NPRL2: variants seen among roughly 807,000 people sequenced by gnomAD.
NPRL2 encodes NPR2 like, GATOR1 complex subunit.
A neutral mutation model predicts 51.1 loss-of-function variants in NPRL2; 21 were observed. The ratio of observed to expected loss-of-function variants is 0.41; its 90% CI spans 0.29 to 0.59. NPRL2 has a LOEUF of 0.59. Among genes scored for constraint, NPRL2 ranks in the 20% least tolerant of loss-of-function variants. NPRL2 has a pLI of 0.29. For synonymous variants in NPRL2, 175 were observed against 187.8 expected (o/e 0.93, Z 0.56); for missense variants, 376 against 483.4 (o/e 0.78, Z 2.08).
chr3:50,350,120 C>G lies in NPRL2; in HGVS notation c.79-98G>C. On this transcript the variant is annotated intron_variant, in intron 1 of 10. Transcript: ENST00000232501. This position sits in a 1 kb window ranked among gnomAD's most constrained non-coding sequence, Gnocchi z 5.7. ...ATGCCCCCCAAGCCCAAGTCCTCTT[C>G]TCCAGCGTTCCCCTCTCTCCCATCC... 3.2e-6 allele frequency: 3 copies of G among 936,790 alleles called. No individual in the cohort carries two copies. Among genetic ancestry groups the G allele is most frequent in the South Asian group, 2.9e-5 (2 of 70,104 alleles). The allele number at this position is 936,790 out of a possible 1,614,324, so 58.0% of individuals were successfully genotyped here. A position where few individuals can be genotyped will look rare whatever the true frequency, so the allele number is the denominator to read the frequency against.
In NPRL2 at chr3:50,348,429, C is replaced by T. The variant is rs750108926; in HGVS notation, c.721-19G>A. 4.3e-6 allele frequency: 7 copies of T among 1,613,438 alleles called. No homozygotes were observed. The highest frequency in any genetic ancestry group is 8.5e-7 in the Non-Finnish European group (1 of 1,179,670). On this transcript the variant is annotated intron_variant, in intron 7 of 10. Coordinates refer to ENST00000232501, the MANE Select transcript of NPRL2 (RefSeq NM_006545.5). The surrounding 1 kb of genome is among the most constrained non-coding windows in gnomAD (Gnocchi z 5.8). ...TGGAGTACTAGAGGGTAGCAGAAGG[C>T]ATAGGGGCCTGAGTGAGGGGCTTGG...
In NPRL2 at chr3:50,348,949, C is replaced by G; in HGVS notation, c.510G>C (p.Gln170His). The change falls in exon 5 of 11, where the codon CAG becomes CAC. Residue 170 changes from glutamine to histidine, a missense_variant. Physicochemically the swap from Gln to His is conservative, Grantham distance 24. Transcript: ENST00000232501. The surrounding 1 kb of genome is among the most constrained non-coding windows in gnomAD (Gnocchi z 5.8). ...IEQRPDPPVA[Q>H]EYDVPVFTKD... ...TGGTAAAGACAGGTACATCATACTC[C>G]TGGGCCACCGGAGGGTCTGGCCGCT... The G allele has an allele frequency of 6.2e-7, 1 of 1,614,046 alleles. No homozygotes were observed. Among genetic ancestry groups the G allele is most frequent in the Non-Finnish European group, 8.5e-7 (1 of 1,180,018 alleles).
In NPRL2 at chr3:50,349,414, A is replaced by T; in HGVS notation, c.420T>A (p.Asn140Lys). 6.2e-7 allele frequency: 1 copy of T among 1,613,692 alleles called. No individual in the cohort carries two copies. Among genetic ancestry groups the T allele is most frequent in the Non-Finnish European group, 8.5e-7 (1 of 1,179,990 alleles). ...TGGGCAGAGTGCACCGGCCTGAGGC[A>T]TTTAGCTCCTCCAGCAAGATGGTCA... is the stretch of plus-strand genomic sequence containing the variant. The part of the protein sequence containing the change: ...PIMTILLEEL[N>K]ASGRCTLPID... The change falls in exon 4 of 11, where the codon AAT becomes AAA. Residue 140 changes from asparagine to lysine, a missense_variant. Coordinates refer to ENST00000232501, the MANE Select transcript of NPRL2 (RefSeq NM_006545.5). This position sits in a 1 kb window ranked among gnomAD's most constrained non-coding sequence, Gnocchi z 4.6.
At position 50,350,663 on chromosome 3, in the gene NPRL2, G is replaced by T; in HGVS notation, c.-11C>A. ...GCAGCCGCTGCCCATGGCAATAACC[G>T]GGCCCAGGCCCGTAGCTCCTCGTTC... is the stretch of plus-strand genomic sequence containing the variant. On this transcript the variant is annotated 5_prime_UTR_variant, in exon 1 of 11. Coordinates refer to ENST00000232501, the MANE Select transcript of NPRL2 (RefSeq NM_006545.5). The surrounding 1 kb of genome is among the most constrained non-coding windows in gnomAD (Gnocchi z 5.7). 1.3e-6 allele frequency: 2 copies of T among 1,599,540 alleles called. No homozygotes were observed. Among genetic ancestry groups the T allele is most frequent in the Non-Finnish European group, 1.7e-6 (2 of 1,173,358 alleles).
rs765232395 is a variant in NPRL2, at chr3:50,347,807, G to A, written c.1027C>T (p.Arg343Trp). The A allele has an allele frequency of 6.8e-6, 11 of 1,613,814 alleles. No homozygotes were observed. The highest frequency in any genetic ancestry group is 3.3e-5 in the South Asian group (3 of 91,084). ...VTREEQSHPARLYTGCHSYDE... is the reference protein window; with the variant it reads ...VTREEQSHPAWLYTGCHSYDE... ...TAGCTGTGGCAGCCTGTATAAAGCC[G>A]GGCAGGGTGGCTCTGCTCTTCCCGA... The change falls in exon 10 of 11, where the codon CGG (arginine) becomes TGG (tryptophan). Residue 343 changes from arginine (R) to tryptophan (W), a missense_variant. Arg to Trp is a moderately radical substitution (Grantham distance 101). Transcript: ENST00000232501.
chr3:50,350,702 G>A lies in NPRL2; in HGVS notation c.-50C>T. 2 of 1,561,590 alleles carry A rather than the reference G, an allele frequency of 1.3e-6. No homozygotes were observed. The highest frequency in any genetic ancestry group is 1.7e-6 in the Non-Finnish European group (2 of 1,154,074). On this transcript the variant is annotated 5_prime_UTR_variant, in exon 1 of 11. In the 5' UTR this introduces an upstream ATG that the reference lacks. Transcript: ENST00000232501. This position sits in a 1 kb window ranked among gnomAD's most constrained non-coding sequence, Gnocchi z 5.7. ...AGCTCCTCGTTCCTCGCGCAGAGGC[G>A]TCCCCACCTCCTGTGAACACTTGTC... is the stretch of plus-strand genomic sequence containing the variant.
rs1449295413 is a variant in NPRL2, at chr3:50,348,421, G to C, written c.721-11C>G. The C allele has an allele frequency of 1.2e-6, 2 of 1,613,604 alleles. No homozygotes were observed. The highest frequency in any genetic ancestry group is 1.7e-6 in the Non-Finnish European group (2 of 1,179,840). Reference sequence around the variant, plus strand: ...GTATACATTGGAGTACTAGAGGGTAGCAGAAGGCATAGGGGCCTGAGTGAG... The same window carrying C: ...GTATACATTGGAGTACTAGAGGGTACCAGAAGGCATAGGGGCCTGAGTGAG... On this transcript the variant is annotated splice_polypyrimidine_tract_variant and intron_variant, in intron 7 of 10. Coordinates refer to ENST00000232501, the MANE Select transcript of NPRL2 (RefSeq NM_006545.5). This position sits in a 1 kb window ranked among gnomAD's most constrained non-coding sequence, Gnocchi z 5.8.
In NPRL2 at chr3:50,348,599, A is replaced by G. The variant is rs1208306798; in HGVS notation, c.684-36T>C. 3 of 1,614,056 alleles carry G rather than the reference A, an allele frequency of 1.9e-6. No individual in the cohort carries two copies. Among genetic ancestry groups the G allele is most frequent in the Non-Finnish European group, 1.7e-6 (2 of 1,180,016 alleles). On this transcript the variant is annotated intron_variant, in intron 6 of 10. Transcript: ENST00000232501. This position sits in a 1 kb window ranked among gnomAD's most constrained non-coding sequence, Gnocchi z 5.8. ...GAGCTGTGCTCAGCTTCTGAGGACC[A>G]TGCCTTCCCAACCCTCACACCCAGG...
chr3:50,349,791 GATGCA>G lies in NPRL2; in HGVS notation c.208_212del (p.Cys70ArgfsTer19). On this transcript the variant is annotated frameshift_variant, in exon 3 of 11. Coordinates refer to ENST00000232501, the MANE Select transcript of NPRL2 (RefSeq NM_006545.5). LOFTEE classifies it high-confidence loss of function. This position sits in a 1 kb window ranked among gnomAD's most constrained non-coding sequence, Gnocchi z 4.6. ...CATTGCGGCTGTACTTCTTGTGTTC[GATGCA>G]CACAGGACAGCCGATCAGCTTCTTT... 6.2e-7 allele frequency: 1 copy of G among 1,613,848 alleles called. No individual in the cohort carries two copies. The highest frequency in any genetic ancestry group is 8.5e-7 in the Non-Finnish European group (1 of 1,179,948).
Position 50,348,399 on chromosome 3 carries a change from T to C in NPRL2, c.732A>G (p.Val244=), listed in dbSNP as rs953097409. The part of the protein sequence containing the change: ...TLVSILQYSN[V]YCPTPKVQDL... ...CCTGGACCTTGGGCGTTGGGCAGTA[T>C]ACATTGGAGTACTAGAGGGTAGCAG... is the stretch of plus-strand genomic sequence containing the variant. Residue 244 remains valine (V), a synonymous_variant, in exon 8 of 11, where the codon GTA becomes GTG. Transcript: ENST00000232501. This position sits in a 1 kb window ranked among gnomAD's most constrained non-coding sequence, Gnocchi z 5.8. 1.9e-6 allele frequency: 3 copies of C among 1,613,768 alleles called. No individual in the cohort carries two copies. The highest frequency in any genetic ancestry group is 2.7e-5 in the African/African-American group (2 of 74,916).
In NPRL2 at chr3:50,350,343, C is replaced by T; in HGVS notation, c.78+232G>A. ...TCACCTTCTGTGGGACCTGGAACCC[C>T]CCAACCGGATCCCTACAGCCCGATA... On this transcript the variant is annotated intron_variant, in intron 1 of 10. Transcript: ENST00000232501. The surrounding 1 kb of genome is among the most constrained non-coding windows in gnomAD (Gnocchi z 5.7). The T allele has an allele frequency of 1.6e-6, 1 of 611,730 alleles. No individual in the cohort carries two copies. Among genetic ancestry groups the T allele is most frequent in the Non-Finnish European group, 2.9e-6 (1 of 348,488 alleles). 37.9% of individuals were successfully genotyped at this position (611,730 alleles called of 1,614,324 possible).
At position 50,347,898 on chromosome 3, in the gene NPRL2, C is replaced by A; in HGVS notation, c.936G>T (p.Lys312Asn). ...TCTTCATAAGCCCGAACTGGATCAG[C>A]TTCCTAGGGTGAGGATCAGAGGACG... ...PQQLQHVDERKLIQFGLMKNL... is the reference protein window; with the variant it reads ...PQQLQHVDERNLIQFGLMKNL... Residue 312 changes from lysine to asparagine, a missense_variant, in exon 10 of 11, where the codon AAG becomes AAT. Physicochemically the swap from Lys to Asn is moderately conservative, Grantham distance 94 (BLOSUM62 0). Transcript: ENST00000232501. The A allele has an allele frequency of 6.2e-7, 1 of 1,613,966 alleles. No individual in the cohort carries two copies. Among genetic ancestry groups the A allele is most frequent in the Non-Finnish European group, 8.5e-7 (1 of 1,179,992 alleles).
chr3:50,347,401 C>A lies in NPRL2; in HGVS notation c.*205G>T. The A allele has an allele frequency of 2.4e-6, 1 of 417,006 alleles. No individual in the cohort carries two copies. The highest frequency in any genetic ancestry group is 4.4e-6 in the Non-Finnish European group (1 of 228,238). The allele number at this position is 417,006 out of a possible 1,614,324, so 25.8% of individuals were successfully genotyped here. ...ATTTGTCGATTGTCGGTCCTGCCCACCAGATGGCGATCTAGCCCACGGCTC... is the reference window on the plus strand; with the variant it reads ...ATTTGTCGATTGTCGGTCCTGCCCAACAGATGGCGATCTAGCCCACGGCTC... On this transcript the variant is annotated 3_prime_UTR_variant, in exon 11 of 11. Transcript: ENST00000232501.
Position 50,347,667 on chromosome 3 carries a change from C to G in NPRL2, c.1082G>C (p.Ser361Thr). The G allele has an allele frequency of 6.2e-7, 1 of 1,614,096 alleles. No individual in the cohort carries two copies. The highest frequency in any genetic ancestry group is 8.5e-7 in the Non-Finnish European group (1 of 1,180,048). Residue 361 changes from serine to threonine, a missense_variant, in exon 11 of 11, where the codon AGC (serine) becomes ACC (threonine). Physicochemically the swap from Ser to Thr is moderately conservative, Grantham distance 58. Transcript: ENST00000232501. ...AAGCCGCTCATCCAGCTCATGGTAG[C>G]TCATGCCTGGGTGGGGTGGTGGAGG... ...YDEICCKTGMSYHELDERLEN... is the reference protein window; with the variant it reads ...YDEICCKTGMTYHELDERLEN...
At position 50,348,637 on chromosome 3, in the gene NPRL2, T is replaced by A; in HGVS notation, c.683+48A>T. ...CCTCACACCCAGGGCCCCTGAGGTC[T>A]TCCCTGGCTGGTGACCTTGTCCCAG... On this transcript the variant is annotated intron_variant, in intron 6 of 10. Coordinates refer to ENST00000232501, the MANE Select transcript of NPRL2 (RefSeq NM_006545.5). This position sits in a 1 kb window ranked among gnomAD's most constrained non-coding sequence, Gnocchi z 5.8. 2 of 1,613,722 alleles carry A rather than the reference T, an allele frequency of 1.2e-6. No individual in the cohort carries two copies. The highest frequency in any genetic ancestry group is 1.7e-6 in the Non-Finnish European group (2 of 1,179,696).
Position 50,348,794 on chromosome 3 carries a change from G to A in NPRL2, c.586-12C>T, listed in dbSNP as rs894145550. ...ATGTAGGGCAGGATCTGGGCAGAGT[G>A]GGACAAGGTCAGAAGAAACAGGATG... On this transcript the variant is annotated splice_polypyrimidine_tract_variant and intron_variant, in intron 5 of 10. Transcript: ENST00000232501. This position sits in a 1 kb window ranked among gnomAD's most constrained non-coding sequence, Gnocchi z 5.8. The A allele has an allele frequency of 1.9e-6, 3 of 1,613,926 alleles. No individual in the cohort carries two copies. In the African/African-American group the frequency reaches 4.0e-5, roughly 22 times the overall value.
chr3:50,347,895 C>T lies in NPRL2; in HGVS notation c.939G>A (p.Leu313=). ...GGTTCTTCATAAGCCCGAACTGGAT[C>T]AGCTTCCTAGGGTGAGGATCAGAGG... ...QQLQHVDERK[L]IQFGLMKNLI... The change falls in exon 10 of 11, where the codon CTG becomes CTA. Residue 313 remains leucine (L), a synonymous_variant. Coordinates refer to ENST00000232501, the MANE Select transcript of NPRL2 (RefSeq NM_006545.5). 1 of 1,613,966 alleles carries T rather than the reference C, an allele frequency of 6.2e-7. No individual in the cohort carries two copies. Among genetic ancestry groups the T allele is most frequent in the Admixed American group, 1.7e-5 (1 of 60,020 alleles).
rs761603878 is a variant in NPRL2, at chr3:50,348,398, A to G, written c.733T>C (p.Tyr245His). 4 of 1,613,878 alleles carry G rather than the reference A, an allele frequency of 2.5e-6. No individual in the cohort carries two copies. The highest frequency in any genetic ancestry group is 3.4e-6 in the Non-Finnish European group (4 of 1,180,020). Reference protein sequence around the residue: ...LVSILQYSNVYCPTPKVQDLV... With the variant: ...LVSILQYSNVHCPTPKVQDLV... ...TCCTGGACCTTGGGCGTTGGGCAGT[A>G]TACATTGGAGTACTAGAGGGTAGCA... The change falls in exon 8 of 11, where the codon TAC (tyrosine) becomes CAC (histidine). Residue 245 changes from tyrosine to histidine, a missense_variant. By Grantham distance (83) the Tyr-to-His change is moderately conservative. Coordinates refer to ENST00000232501, the MANE Select transcript of NPRL2 (RefSeq NM_006545.5). The surrounding 1 kb of genome is among the most constrained non-coding windows in gnomAD (Gnocchi z 5.8).
chr3:50,349,267 C>G lies in NPRL2; in HGVS notation c.448+119G>C, dbSNP rs1208993093. ...GGACCCTGGACATGGGCACCTCAGC[C>G]CATGGCTATTTCCTGCCCACCAATG... On this transcript the variant is annotated intron_variant, in intron 4 of 10. Coordinates refer to ENST00000232501, the MANE Select transcript of NPRL2 (RefSeq NM_006545.5). The surrounding 1 kb of genome is among the most constrained non-coding windows in gnomAD (Gnocchi z 4.6). 14 of 972,308 alleles carry G rather than the reference C, an allele frequency of 1.4e-5. No individual in the cohort carries two copies. The highest frequency in any genetic ancestry group is 2.2e-5 in the Non-Finnish European group (14 of 635,772). 60.2% of individuals were successfully genotyped at this position (972,308 alleles called of 1,614,324 possible).
Sources: gnomAD v4.1 joint callset for allele counts on GRCh38, gnomAD v4.1.1 for gene constraint, Gnocchi (gnomAD v3.1) non-coding constraint, MANE v1.5 for transcripts, NCBI Gene and HGNC (gene_info 2026-07-23, HGNC 2026-07-21) for gene names.